RABGAP1L: variants seen among roughly 807,000 people sequenced by gnomAD.
RABGAP1L encodes the protein RAB GTPase activating protein 1 like.
Under a neutral mutation model 137.7 loss-of-function variants are expected in RABGAP1L, and 63 were observed. That is an observed-to-expected ratio of 0.46 (90% CI 0.37 to 0.56). The LOEUF (loss-of-function observed/expected upper bound fraction) is 0.56, where lower values mean the gene tolerates loss of function less well. Among genes scored for constraint, RABGAP1L ranks in the 20% least tolerant of loss-of-function variants. The probability of loss-of-function intolerance (pLI) is 0.00; values close to 1 mark genes in which losing one functional copy is unlikely to be tolerated. For missense variants in RABGAP1L, 1,095 were observed against 1,244.0 expected, an observed-to-expected ratio of 0.88 and a Z score of 1.80; for synonymous variants, 431 against 433.7, an observed-to-expected ratio of 0.99 and a Z score of 0.08.
intron 11 of RABGAP1L, among the ~76,000 whole-genome samples, chr1:174,324,420 A>AG (rs1491171726): frequency 6.6e-6 from 1 of 152,104 alleles, no homozygotes; most frequent in Non-Finnish European, 1.5e-5. Flanking sequence ...TAGGAAACAC[A>AG]GGGGGGAGGA....
At chr1:174,755,144 G>A (rs900096534) in intron 18 of RABGAP1L, among the ~76,000 whole-genome samples, 39 of 152,170 alleles carry the variant, frequency 2.6e-4, no homozygotes, top group African/African-American at 8.9e-4. Context: ...ATAGATATAG[G>A]ATGAATTCTG....
intron 14 of RABGAP1L, among the ~76,000 whole-genome samples, chr1:174,656,270 C>T (rs577206391): frequency 2.9e-4 from 44 of 152,272 alleles, no homozygotes; most frequent in Non-Finnish European, 5.0e-4. Context: ...CAGCCTGTTC[C>T]AACATGGTGA....
chr1:174,913,275 C>CTCTA (rs1558225393), intron 19 of RABGAP1L, among the ~76,000 whole-genome samples: 1 of 152,040 alleles, frequency 6.6e-6, no homozygotes, highest in African/African-American at 2.4e-5. Context: ...TGCGCCCGAC[C>CTCTA]TCTACATGCT....
At chr1:174,524,375 G>C (rs1038374454) in intron 13 of RABGAP1L, among the ~76,000 whole-genome samples, 2 of 151,658 alleles carry the variant, frequency 1.3e-5, no homozygotes, top group Non-Finnish European at 2.9e-5. Flanking sequence ...ACTCTTTCTG[G>C]TTTCGATTTG....
intron 15 of RABGAP1L, among the ~76,000 whole-genome samples, chr1:174,692,418 G>A (rs2148500985): frequency 6.6e-6 from 1 of 152,210 alleles, no homozygotes; most frequent in Non-Finnish European, 1.5e-5. Context: ...TATTTTAAAG[G>A]CAGAGCTGTG....
chr1:174,212,716 T>C (rs1668992724), intron 1 of RABGAP1L, among the ~76,000 whole-genome samples: 2 of 151,692 alleles, frequency 1.3e-5, no homozygotes, highest in Non-Finnish European at 2.9e-5. Context: ...TAATTTGACA[T>C]GAAGAAAATA....
chr1:174,945,899 G>A (rs1357615993), intron 19 of RABGAP1L: 1 of 152,072 alleles, frequency 6.6e-6, no homozygotes, highest in Non-Finnish European at 1.5e-5. Context: ...AGAAGGCTGT[G>A]AGAGGAGGAA....
intron 11 of RABGAP1L, among the ~76,000 whole-genome samples, chr1:174,350,491 T>C (rs1455480671): frequency 1.3e-3 from 80 of 61,938 alleles, no homozygotes; most frequent in Non-Finnish European, 1.5e-3. Flanking sequence ...TCTCAGACGA[T>C]GGGCTGCCGG....
At chr1:174,680,417 A>G (rs1434489334) in intron 14 of RABGAP1L, among the ~76,000 whole-genome samples, 2 of 152,212 alleles carry the variant, frequency 1.3e-5, no homozygotes, top group East Asian at 1.9e-4. Context: ...ACCGACCCTC[A>G]TCAGACTGAA....
intron 19 of RABGAP1L, among the ~76,000 whole-genome samples, chr1:174,836,484 A>G (rs982983664): frequency 2.6e-5 from 4 of 152,320 alleles, no homozygotes; most frequent in Admixed American, 6.5e-5. Flanking sequence ...GCCCAGTTTA[A>G]TAATCAAGTT....
intron 13 of RABGAP1L, among the ~76,000 whole-genome samples, chr1:174,563,627 A>T (rs1667370840): frequency 6.6e-6 from 1 of 152,192 alleles, no homozygotes; most frequent in Non-Finnish European, 1.5e-5. Context: ...AATCAACTCA[A>T]TTTTTGGCCT....
At chr1:174,520,162 TC>T (rs1191082229) in intron 13 of RABGAP1L, among the ~76,000 whole-genome samples, 1 of 152,236 alleles carries the variant, frequency 6.6e-6, no homozygotes, top group Non-Finnish European at 1.5e-5. Flanking sequence ...AAGAATGTTT[TC>T]ATTTATTAAA....
chr1:174,367,784 A>G (rs1684779186), intron 11 of RABGAP1L: 2 of 197,220 alleles, frequency 1.0e-5, no homozygotes, highest in South Asian at 1.2e-4. Context: ...CTTTCCAGGC[A>G]TTACTCTTCC....
At chr1:174,197,786 G>A (rs1667808131) in intron 1 of RABGAP1L, among the ~76,000 whole-genome samples, 1 of 151,804 alleles carries the variant, frequency 6.6e-6, no homozygotes, top group South Asian at 2.1e-4. Flanking sequence ...GGTAACGAGA[G>A]CGAAACTCCG....
rs558779596 is a variant in RABGAP1L at position 174,864,823 on chromosome 1, A to C, written c.2340+52863A>C. Among the ~76,000 whole-genome samples the C allele has an allele frequency of 7.2e-5, 11 of 152,322 alleles. 1 individual carries two copies. The South Asian group carries it at 2.3e-3, about 32-fold the overall frequency. On this transcript the variant is annotated intron_variant, in intron 19 of 25. Transcript: ENST00000681986. The stretch of plus-strand genomic sequence containing the variant: ...ATTCTGTGGTGTTGAGACATTAAAG[A>C]CCATTTGCATCAGGCTAGTGTGGTG...
chr1:174,580,340 A>T (rs943952019), intron 13 of RABGAP1L, among the ~76,000 whole-genome samples: 5 of 152,234 alleles, frequency 3.3e-5, no homozygotes, highest in Non-Finnish European at 7.3e-5. Context: ...ACATATGTTT[A>T]TTGCGGCACT....
chr1:174,711,466 G>A (rs555635430), intron 17 of RABGAP1L, among the ~76,000 whole-genome samples: 14 of 152,196 alleles, frequency 9.2e-5, no homozygotes, highest in African/African-American at 2.6e-4. Flanking sequence ...AGGTGGGCGC[G>A]GGCTTGGCGG....
Position 174,318,048 on chromosome 1 carries a change from T to A in RABGAP1L, c.1465+12921T>A, listed in dbSNP as rs1337069077. On this transcript the variant is annotated intron_variant, in intron 11 of 25. Coordinates refer to ENST00000681986, the MANE Select transcript of RABGAP1L (RefSeq NM_001366446.1). The stretch of plus-strand genomic sequence containing the variant: ...GTGGTATTGGCAGTTCAGGACTGTT[T>A]TTTTTTTTTTCTATCTCTTCAGTGC... Among the ~76,000 whole-genome samples the A allele has an allele frequency of 3.3e-5, 5 of 151,498 alleles. No individual in the cohort carries two copies. In the East Asian group the frequency reaches 9.6e-4, roughly 29 times the overall value.
chr1:174,370,155 T>C (rs1164985477), intron 11 of RABGAP1L, among the ~76,000 whole-genome samples: 1 of 152,234 alleles, frequency 6.6e-6, no homozygotes, highest in African/African-American at 2.4e-5. Context: ...GTACTTGTTA[T>C]CTGCCAGATA....
Sources: allele counts gnomAD v4.1 joint callset (sites outside exome capture counted in the v4.1 genomes callset), GRCh38; gene constraint gnomAD v4.1.1; transcripts MANE v1.5; gene names NCBI Gene and HGNC (gene_info 2026-07-23, HGNC 2026-07-21).